The following SUGCT variants were observed in gnomAD, a reference collection of about 807,000 sequenced individuals.
The protein encoded by SUGCT is succinyl-CoA:glutarate CoA-transferase.
A neutral mutation model predicts 55.0 loss-of-function variants in SUGCT; 41 were observed. The observed-to-expected ratio is 0.74, with a 90% CI of 0.58 to 0.97. SUGCT has a LOEUF of 0.97. Among genes scored for constraint, SUGCT ranks in the 50% least tolerant of loss-of-function variants. SUGCT has a pLI of 0.00. For missense variants in SUGCT, 568 were observed against 547.8 expected, an observed-to-expected ratio of 1.04 and a Z score of -0.37; for synonymous variants, 187 against 200.4, an observed-to-expected ratio of 0.93 and a Z score of 0.56.
At chr7:40,138,665 AT>A (rs11312476) in intron 1 of SUGCT, among the ~76,000 whole-genome samples, 145,138 of 152,174 alleles carry the variant, frequency 0.95, 69,261 homozygotes, top group East Asian at 1. Context: ...ACATCCTGTG[AT>A]TTTTTTTGTC....
At chr7:41,005,156 T>C in the SUGCT span, among the ~76,000 whole-genome samples, 1 of 152,058 alleles carries the variant, frequency 6.6e-6, no homozygotes, top group African/African-American at 2.4e-5. Flanking sequence ...ATCAGAGAGA[T>C]GATTTTCATA....
At chr7:40,147,673 C>T (rs1185681119) in intron 1 of SUGCT, among the ~76,000 whole-genome samples, 4 of 152,318 alleles carry the variant, frequency 2.6e-5, no homozygotes, top group South Asian at 2.1e-4. Context: ...TTTCTCTCCG[C>T]GTTGCTGAGA....
chr7:40,768,004 T>A (rs1788890201), intron 13 of SUGCT, among the ~76,000 whole-genome samples: 1 of 152,184 alleles, frequency 6.6e-6, no homozygotes. Context: ...TTGAGCACCA[T>A]GACTGCGTCT....
rs74892773 is a variant in SUGCT at position 40,311,048 on chromosome 7, C to T, written c.721-5712C>T. On this transcript the variant is annotated intron_variant, in intron 8 of 13. Transcript: ENST00000335693. ...CAGAGGTGGGCTCTTATTTTCTTTT[C>T]GCTTCAATTACTTCTCTCCCTGATT... is the stretch of plus-strand genomic sequence containing the variant. 4.7e-3 allele frequency among the ~76,000 whole-genome samples: 722 copies of T among 152,196 alleles called. 8 individuals carry two copies. The highest frequency in any genetic ancestry group is 0.017 in the African/African-American group (692 of 41,514).
At chr7:40,813,406 T>C (rs1238435377) in intron 13 of SUGCT, among the ~76,000 whole-genome samples, 1 of 152,196 alleles carries the variant, frequency 6.6e-6, no homozygotes, top group Non-Finnish European at 1.5e-5. Context: ...GTTGGATGTA[T>C]ATATATTTAG....
chr7:40,337,694 CTT>C (rs1200492020), intron 9 of SUGCT, among the ~76,000 whole-genome samples: 15 of 152,142 alleles, frequency 9.9e-5, no homozygotes, highest in African/African-American at 3.1e-4. Context: ...GGTCTTGACT[CTT>C]TATCCAATTT....
chr7:40,553,921 GTT>G (rs1380190620), intron 12 of SUGCT, among the ~76,000 whole-genome samples: 1 of 152,198 alleles, frequency 6.6e-6, no homozygotes, highest in Non-Finnish European at 1.5e-5. Flanking sequence ...ACTTCTTCGT[GTT>G]TCATGTTCCT....
At chr7:40,244,314 C>T (rs1289885149) in intron 7 of SUGCT, among the ~76,000 whole-genome samples, 1 of 151,962 alleles carries the variant, frequency 6.6e-6, no homozygotes, top group Non-Finnish European at 1.5e-5. Flanking sequence ...CTAGACATTC[C>T]CAGGGGAGAT....
chr7:40,754,392 A>G (rs1250594185), intron 13 of SUGCT, among the ~76,000 whole-genome samples: 8 of 152,194 alleles, frequency 5.3e-5, no homozygotes, highest in Non-Finnish European at 1.2e-4. Context: ...TTTGCTCTTA[A>G]TTAATATAAC....
At chr7:40,239,394 A>G (rs970030361) in intron 7 of SUGCT, among the ~76,000 whole-genome samples, 8 of 152,138 alleles carry the variant, frequency 5.3e-5, no homozygotes, top group African/African-American at 1.4e-4. Flanking sequence ...AAAATATTCA[A>G]GAGCACCAGT....
intron 9 of SUGCT, among the ~76,000 whole-genome samples, chr7:40,416,456 C>G (rs533534001): frequency 8.2e-4 from 125 of 151,776 alleles, no homozygotes; most frequent in African/African-American, 2.9e-3. Context: ...TTCTTCCAAT[C>G]TGACTTGGAA....
At chr7:40,666,495 T>A (rs1323636805) in intron 12 of SUGCT, among the ~76,000 whole-genome samples, 1 of 150,432 alleles carries the variant, frequency 6.6e-6, no homozygotes, top group African/African-American at 2.4e-5. Context: ...TTTCCATTTT[T>A]CCCAGGGACT....
At chr7:41,037,286 T>C in the SUGCT span, among the ~76,000 whole-genome samples, 2 of 152,170 alleles carry the variant, frequency 1.3e-5, no homozygotes, top group South Asian at 2.1e-4. Context: ...CTTTGAAGTA[T>C]GGATTACATA....
chr7:40,295,065 A>G (rs1423287845), intron 8 of SUGCT, among the ~76,000 whole-genome samples: 2 of 152,214 alleles, frequency 1.3e-5, no homozygotes, highest in Non-Finnish European at 2.9e-5. Context: ...GAAAATAGAG[A>G]CAAAGTCTTA....
intron 9 of SUGCT, among the ~76,000 whole-genome samples, chr7:40,367,545 A>AT (rs1010557250): frequency 6.6e-6 from 1 of 151,470 alleles, no homozygotes; most frequent in Non-Finnish European, 1.5e-5. Context: ...AAAACACTTA[A>AT]TTTTTTTTTC....
the SUGCT span, among the ~76,000 whole-genome samples, chr7:40,875,363 A>T: frequency 2.0e-5 from 3 of 152,292 alleles, no homozygotes; most frequent in Admixed American, 6.5e-5. Flanking sequence ...GTAGTTCCAT[A>T]TTGTCTAAAG....
chr7:40,208,806 A>C lies in SUGCT; in HGVS notation c.484+13746A>C, dbSNP rs79040971. The stretch of plus-strand genomic sequence containing the variant: ...GCAATCCGCCCGCCTCAGACTCCCA[A>C]AGTGCTAGGATTACAGGCGTGAGCC... On this transcript the variant is annotated intron_variant, in intron 6 of 13. Transcript: ENST00000335693. Among the ~76,000 whole-genome samples, 862 of 152,206 alleles carry C rather than the reference A, an allele frequency of 5.7e-3. 6 individuals are homozygous for C. Among genetic ancestry groups the C allele is most frequent in the African/African-American group, 0.019 (801 of 41,516 alleles).
intron 13 of SUGCT, among the ~76,000 whole-genome samples, chr7:40,854,478 C>CTTTCTT (rs1794066568): frequency 1.3e-5 from 1 of 79,426 alleles, no homozygotes; most frequent in Admixed American, 1.3e-4. Context: ...CTTTCTTTCT[C>CTTTCTT]TTTCTCTCTT....
chr7:40,714,479 T>C (rs2128675772), intron 12 of SUGCT, among the ~76,000 whole-genome samples: 1 of 152,318 alleles, frequency 6.6e-6, no homozygotes, highest in East Asian at 1.9e-4. Context: ...TGCTGTAGTT[T>C]CTGTTTAAAT....
Sources: gnomAD v4.1 joint callset for allele counts (sites outside exome capture counted in the v4.1 genomes callset) on GRCh38, gnomAD v4.1.1 for gene constraint, MANE v1.5 for transcripts, NCBI Gene and HGNC (gene_info 2026-07-23, HGNC 2026-07-21) for gene names.